MDM2: variants seen among roughly 807,000 people sequenced by gnomAD.
The protein encoded by MDM2 is E3 ubiquitin-protein ligase Mdm2.
A neutral mutation model predicts 64.3 loss-of-function variants in MDM2; 11 were observed. The observed-to-expected ratio is 0.17, with a 90% CI of 0.11 to 0.28. MDM2 has a LOEUF of 0.28. Ranked by LOEUF, MDM2 falls within the 10% of genes least tolerant of loss-of-function variation. MDM2 has a pLI of 1.00. For synonymous variants in MDM2, 194 were observed against 192.9 expected (o/e 1.01, Z -0.05); for missense variants, 388 against 577.1 (o/e 0.67, Z 3.36).
At chr12:68,830,624 A>G (rs756105069) in intron 8 of MDM2, among the ~76,000 whole-genome samples, 2 of 152,222 alleles carry the variant, frequency 1.3e-5, no homozygotes, top group Non-Finnish European at 1.5e-5. Context: ...GAGCGGAAAT[A>G]TATGTGATAA....
rs143373397 is a variant in MDM2 at position 68,812,447 on chromosome 12, T to G, written c.100-1107T>G. Reference sequence around the variant, plus strand: ...GGCAAGCTGTAAAGATACTTGAGTTTTGCAGATTTTGATAAACCAAAAGGA... The same window carrying G: ...GGCAAGCTGTAAAGATACTTGAGTTGTGCAGATTTTGATAAACCAAAAGGA... On this transcript the variant is annotated intron_variant, in intron 2 of 10. Transcript: ENST00000258149. Among the ~76,000 whole-genome samples the G allele has an allele frequency of 5.3e-5, 8 of 152,304 alleles. No homozygotes were observed. The East Asian group carries it at 1.2e-3, about 22-fold the overall frequency.
chr12:68,836,105 G>A, intron 9 of MDM2, 121 bp downstream of exon 9: 1 of 864,288 alleles, frequency 1.2e-6, no homozygotes, highest in Non-Finnish European at 1.7e-6. Context: ...CTCTTGATTT[G>A]TTTAAACTAA....
intron 4 of MDM2, among the ~76,000 whole-genome samples, chr12:68,818,923 G>A (rs904902091): frequency 6.6e-6 from 1 of 151,872 alleles, no homozygotes; most frequent in African/African-American, 2.4e-5. Flanking sequence ...GTAGAGATGG[G>A]GTTTTGCCAT....
chr12:68,808,422 G>C lies in MDM2; in HGVS notation c.-56G>C. The C allele has an allele frequency of 3.1e-6, 5 of 1,613,302 alleles. No individual in the cohort carries two copies. Among genetic ancestry groups the C allele is most frequent in the Non-Finnish European group, 4.2e-6 (5 of 1,179,518 alleles). On this transcript the variant is annotated 5_prime_UTR_variant, in exon 1 of 11. Coordinates refer to ENST00000258149, the MANE Select transcript of MDM2 (RefSeq NM_002392.6). ...AGGGCGTCGTGCTTCCGCGCGCCCCGTGAAGGAAACTGGGGAGTCTTGAGG... is the reference window on the plus strand; with the variant it reads ...AGGGCGTCGTGCTTCCGCGCGCCCCCTGAAGGAAACTGGGGAGTCTTGAGG...
intron 4 of MDM2, among the ~76,000 whole-genome samples, chr12:68,818,399 GA>G (rs1172129013): frequency 3.3e-5 from 5 of 150,016 alleles, no homozygotes; most frequent in African/African-American, 4.9e-5. Flanking sequence ...AAAAGTAAAG[GA>G]AAAAAAAGGA....
At chr12:68,846,579 C>T (rs1884312298), downstream of MDM2, 1 of 152,064 alleles carries the variant, frequency 6.6e-6, no homozygotes, top group Non-Finnish European at 1.5e-5. Flanking sequence ...TACGTTTGGT[C>T]CTATTTTTGG....
intron 10 of MDM2, among the ~76,000 whole-genome samples, chr12:68,837,860 TC>T (rs1271686646): frequency 6.6e-6 from 1 of 151,890 alleles, no homozygotes; most frequent in Non-Finnish European, 1.5e-5. Flanking sequence ...TTCCATTTTT[TC>T]TGAGTTATAG....
At position 68,839,760 on chromosome 12, in the gene MDM2, A is replaced by T. The variant is rs756110138; in HGVS notation, c.1405A>T (p.Thr469Ser). The change falls in exon 11 of 11, where the codon ACA becomes TCA. Residue 469 changes from threonine to serine, a missense_variant. Physicochemically the swap from Thr to Ser is moderately conservative, Grantham distance 58 (BLOSUM62 1). Coordinates refer to ENST00000258149, the MANE Select transcript of MDM2 (RefSeq NM_002392.6). ...AACAGGACATCTTATGGCCTGCTTT[A>T]CATGTGCAAAGAAGCTAAAGAAAAG... Reference protein sequence around the residue: ...GKTGHLMACFTCAKKLKKRNK... With the variant: ...GKTGHLMACFSCAKKLKKRNK... 4.3e-6 allele frequency: 7 copies of T among 1,614,156 alleles called. No individual in the cohort carries two copies. The Admixed American group carries it at 1.2e-4, about 27-fold the overall frequency.
rs1377935793 is a variant in MDM2, at chr12:68,843,075, T to C, written c.*3226T>C. 4.5e-6 allele frequency: 1 copy of C among 222,082 alleles called. No homozygotes were observed. Among genetic ancestry groups the C allele is most frequent in the African/African-American group, 2.2e-5 (1 of 44,650 alleles). The allele number at this position is 222,082 out of a possible 1,614,324, so 13.8% of individuals were successfully genotyped here. ...GAAGCAGATGTTATCTCAGTGCCTT[T>C]TGCAATTTGTTGTGTGGGTTTTTTT... On this transcript the variant is annotated 3_prime_UTR_variant, in exon 11 of 11. Coordinates refer to ENST00000258149, the MANE Select transcript of MDM2 (RefSeq NM_002392.6).
In MDM2 at chr12:68,824,558, C is replaced by T; in HGVS notation, c.430C>T (p.Leu144Phe). 1 of 1,612,862 alleles carries T rather than the reference C, an allele frequency of 6.2e-7. No individual in the cohort carries two copies. Among genetic ancestry groups the T allele is most frequent in the Non-Finnish European group, 8.5e-7 (1 of 1,179,426 alleles). The change falls in exon 7 of 11, where the codon CTT becomes TTT. Residue 144 changes from leucine to phenylalanine, a missense_variant. Leu to Phe is a conservative substitution (Grantham distance 22). This residue lies in a region of MDM2 where 168 missense variants were observed against 236.6 expected (regional missense o/e 0.71). Transcript: ENST00000258149. ...HLEGGSDQKD[L>F]VQELQEEKPS... ...TATTTTTTTCCTAAATGCTTAGGAC[C>T]TTGTACAAGAGCTTCAGGAAGAGAA...
downstream of MDM2, chr12:68,846,286 C>T (rs1302668912): frequency 2.0e-5 from 3 of 152,144 alleles, no homozygotes; most frequent in African/African-American, 7.3e-5. Context: ...ACAGTTTCAC[C>T]ATGTTGCCCA....
At chr12:68,833,126 CAAAAAA>C (rs35815088) in intron 8 of MDM2, among the ~76,000 whole-genome samples, 59 of 61,736 alleles carry the variant, frequency 9.6e-4, no homozygotes, top group South Asian at 6.6e-3. Flanking sequence ...ACTCTGTCTC[CAAAAAA>C]AAAAAAAAAA....
At chr12:68,808,741 G>T (rs1880589004) in intron 1 of MDM2, among the ~76,000 whole-genome samples, 2 of 151,518 alleles carry the variant, frequency 1.3e-5, no homozygotes, top group South Asian at 4.2e-4. Flanking sequence ...GGGGTGGTTC[G>T]GAGGTCTCCG....
intron 8 of MDM2, among the ~76,000 whole-genome samples, chr12:68,832,639 G>A (rs1882887987): frequency 6.6e-6 from 1 of 151,764 alleles, no homozygotes; most frequent in African/African-American, 2.4e-5. Context: ...AGCCTTGAGA[G>A]TTAGCTGGGA....
At position 68,843,707 on chromosome 12, in the gene MDM2, C is replaced by G. The variant is rs1475432401; in HGVS notation, c.*3858C>G. 2.2e-5 allele frequency: 5 copies of G among 225,048 alleles called. No individual in the cohort carries two copies. The highest frequency in any genetic ancestry group is 4.4e-5 in the Non-Finnish European group (5 of 113,154). The allele number at this position is 225,048 out of a possible 1,614,324, so 13.9% of individuals were successfully genotyped here. ...ACATTGTTGCTTCAAAACTCTCTCT[C>G]TCTCTCTCTGTCTGTCTCAATAAAT... On this transcript the variant is annotated 3_prime_UTR_variant, in exon 11 of 11. Transcript: ENST00000258149.
In MDM2 at chr12:68,841,948, AC is replaced by A. The variant is rs1883802391; in HGVS notation, c.*2102del. 3.4e-6 allele frequency: 1 copy of A among 294,300 alleles called. No homozygotes were observed. Among genetic ancestry groups the A allele is most frequent in the Non-Finnish European group, 6.7e-6 (1 of 149,906 alleles). The allele number at this position is 294,300 out of a possible 1,614,324, so 18.2% of individuals were successfully genotyped here. A position where few individuals can be genotyped will look rare whatever the true frequency, so the allele number is the denominator to read the frequency against. Reference sequence around the variant, plus strand: ...ACTGAGAAGTGTTAGTTTCTTTGGGACCCATCTACCCTGACCACATCATGAT... The same window carrying A: ...ACTGAGAAGTGTTAGTTTCTTTGGGACCATCTACCCTGACCACATCATGAT... On this transcript the variant is annotated 3_prime_UTR_variant, in exon 11 of 11. Transcript: ENST00000258149.
In MDM2 at chr12:68,843,807, C is replaced by A. The variant is rs1489297672; in HGVS notation, c.*3958C>A. The A allele has an allele frequency of 4.5e-6, 1 of 220,630 alleles. No homozygotes were observed. Among genetic ancestry groups the A allele is most frequent in the African/African-American group, 2.2e-5 (1 of 44,498 alleles). 13.7% of individuals were successfully genotyped at this position (220,630 alleles called of 1,614,324 possible). On this transcript the variant is annotated 3_prime_UTR_variant, in exon 11 of 11. Coordinates refer to ENST00000258149, the MANE Select transcript of MDM2 (RefSeq NM_002392.6). ...GGAGTTGATAATACTTCAGCTACAA[C>A]CAAGCAGAATCTCTTTTTTTTGGAG...
intron 5 of MDM2, among the ~76,000 whole-genome samples, chr12:68,822,629 A>G (rs942395133): frequency 2.6e-5 from 4 of 152,178 alleles, no homozygotes; most frequent in African/African-American, 9.6e-5. Flanking sequence ...GCACATTACT[A>G]GAAAAATTGT....
chr12:68,817,062 A>C (rs1392760629), intron 4 of MDM2, 117 bp downstream of exon 4: 3 of 1,239,668 alleles, frequency 2.4e-6, no homozygotes, highest in Non-Finnish European at 3.3e-6. Context: ...AGACATGCTG[A>C]AACTTAATTT....
Sources: allele counts gnomAD v4.1 joint callset (sites outside exome capture counted in the v4.1 genomes callset), GRCh38; gene constraint gnomAD v4.1.1; regional missense constraint gnomAD v4.1.1; transcripts MANE v1.5; gene names NCBI Gene and HGNC (gene_info 2026-07-23, HGNC 2026-07-21).